The following ARHGAP21 variants were observed in gnomAD, a reference collection of about 807,000 sequenced individuals.
ARHGAP21 encodes the protein rho GTPase-activating protein 21.
ARHGAP21 carries 38 observed loss-of-function variants against 164.6 expected under a neutral mutation model. The ratio of observed to expected loss-of-function variants is 0.23; its 90% CI spans 0.18 to 0.30. The LOEUF (loss-of-function observed/expected upper bound fraction) is 0.30. ARHGAP21 is among the 10% of genes least tolerant of loss of function. The pLI is 1.00. For missense variants in ARHGAP21, 1,822 were observed against 2,370.7 expected (o/e 0.77, Z 4.81); for synonymous variants, 766 against 857.9 (o/e 0.89, Z 1.87).
Position 24,620,290 on chromosome 10 carries a change from A to T in ARHGAP21, c.1605T>A (p.Asp535Glu). Residue 535 changes from aspartate to glutamate, a missense_variant, in exon 9 of 26, where the codon GAT becomes GAA. Asp to Glu is a conservative substitution (Grantham distance 45). This residue lies in a region of ARHGAP21 where 1,090 missense variants were observed against 1,378.9 expected (regional missense o/e 0.79). Coordinates refer to ENST00000396432, the MANE Select transcript of ARHGAP21 (RefSeq NM_020824.4). ...GTCTTTCACAAATACCTCGTCTATCATCCTGTTCAGTAAACCCACTCCACT... is the reference window on the plus strand; with the variant it reads ...GTCTTTCACAAATACCTCGTCTATCTTCCTGTTCAGTAAACCCACTCCACT... ...TYKWSGFTEQ[D>E]DRRGICERPR... is the part of the protein sequence containing the mutation. The T allele has an allele frequency of 6.2e-7, 1 of 1,613,972 alleles. No homozygotes were observed. The highest frequency in any genetic ancestry group is 8.5e-7 in the Non-Finnish European group (1 of 1,179,878).
intron 7 of ARHGAP21, among the ~76,000 whole-genome samples, chr10:24,628,061 C>A (rs1299897449): frequency 6.6e-6 from 1 of 152,182 alleles, no homozygotes; most frequent in Non-Finnish European, 1.5e-5. Flanking sequence ...ACCATATACA[C>A]CATCTTCTGT....
In ARHGAP21 at chr10:24,621,230, G is replaced by A. The variant is rs770416114; in HGVS notation, c.665C>T (p.Pro222Leu). The change falls in exon 9 of 26, where the codon CCT (proline) becomes CTT (leucine). Residue 222 changes from proline (P) to leucine (L), a missense_variant. Physicochemically the swap from Pro to Leu is moderately conservative, Grantham distance 98. This residue lies in a region of ARHGAP21 where 1,090 missense variants were observed against 1,378.9 expected (regional missense o/e 0.79). Transcript: ENST00000396432. The part of the protein sequence containing the change: ...SAMAQPVEIS[P>L]PDSSLSKQQT... Reference sequence around the variant, plus strand: ...CTGTTTGCTCAATGATGAGTCAGGAGGAGATATTTCAACTGGCTGTGCCAT... The same window carrying A: ...CTGTTTGCTCAATGATGAGTCAGGAAGAGATATTTCAACTGGCTGTGCCAT... The A allele has an allele frequency of 6.2e-7, 1 of 1,613,962 alleles. No homozygotes were observed. Among genetic ancestry groups the A allele is most frequent in the Non-Finnish European group, 8.5e-7 (1 of 1,179,874 alleles).
At position 24,584,868 on chromosome 10, in the gene ARHGAP21, G is replaced by A. The variant is rs2076036946; in HGVS notation, c.5421C>T (p.His1807=). The A allele has an allele frequency of 3.1e-6, 5 of 1,613,918 alleles. No individual in the cohort carries two copies. The South Asian group carries it at 5.5e-5, about 18-fold the overall frequency. ...AAACGCTGATTTCGGTAGCATCTCT[G>A]TGCCCTCCTAGTGTATGTCTGCGCC... ...SIRRRHTLGG[H]RDATEISVLN... is the part of the protein sequence containing the mutation. Residue 1807 remains histidine, a synonymous_variant, in exon 26 of 26, where the codon CAC becomes CAT. Coordinates refer to ENST00000396432, the MANE Select transcript of ARHGAP21 (RefSeq NM_020824.4).
chr10:24,597,360 T>C, intron 16 of ARHGAP21, 87 bp downstream of exon 16: 1 of 1,506,974 alleles, frequency 6.6e-7, no homozygotes, highest in South Asian at 1.3e-5. Context: ...GCCTGGTCAG[T>C]AGAAATGGTA....
intron 2 of ARHGAP21, among the ~76,000 whole-genome samples, chr10:24,681,062 T>C (rs966946986): frequency 6.6e-6 from 1 of 152,046 alleles, no homozygotes; most frequent in African/African-American, 2.4e-5. Flanking sequence ...ATATAACAAC[T>C]AGACAAAGCA....
At chr10:24,653,313 G>A (rs1253945240) in intron 4 of ARHGAP21, among the ~76,000 whole-genome samples, 6 of 152,044 alleles carry the variant, frequency 3.9e-5, no homozygotes, top group Admixed American at 3.3e-4. Flanking sequence ...AGTGGCTCAC[G>A]CCTGTAATCC....
chr10:24,641,766 C>G (rs527577083), intron 4 of ARHGAP21, among the ~76,000 whole-genome samples: 1 of 152,040 alleles, frequency 6.6e-6, no homozygotes, highest in East Asian at 1.9e-4. Context: ...GAGGCAGAGG[C>G]GGGTGGATCA....
chr10:24,618,007 G>GA (rs1276304205), intron 9 of ARHGAP21, among the ~76,000 whole-genome samples: 8 of 150,980 alleles, frequency 5.3e-5, no homozygotes, highest in African/African-American at 2.0e-4. Context: ...GCTGTGCTCT[G>GA]GGACGAGGCT....
intron 2 of ARHGAP21, among the ~76,000 whole-genome samples, chr10:24,681,367 G>T (rs1312521063): frequency 2.6e-5 from 4 of 152,216 alleles, no homozygotes; most frequent in African/African-American, 9.7e-5. Flanking sequence ...AAGTCTACAT[G>T]TTCAACAGAG....
intron 2 of ARHGAP21, among the ~76,000 whole-genome samples, chr10:24,673,737 C>G (rs1392024149): frequency 1.3e-5 from 2 of 152,054 alleles, no homozygotes; most frequent in Non-Finnish European, 2.9e-5. Flanking sequence ...TGGCACACAC[C>G]TATAATCCCC....
At chr10:24,639,161 T>A (rs1353878246) in intron 4 of ARHGAP21, among the ~76,000 whole-genome samples, 1 of 152,182 alleles carries the variant, frequency 6.6e-6, no homozygotes, top group African/African-American at 2.4e-5. Context: ...AAATCCCACC[T>A]CTGTCATTCA....
chr10:24,622,689 A>G, intron 8 of ARHGAP21, 44 bp downstream of exon 8: 1 of 1,585,276 alleles, frequency 6.3e-7, no homozygotes, highest in Non-Finnish European at 8.6e-7. Context: ...TCTCTACAAA[A>G]CATGACTTAA....
chr10:24,681,351 A>G (rs1460896469), intron 2 of ARHGAP21, among the ~76,000 whole-genome samples: 1 of 152,262 alleles, frequency 6.6e-6, no homozygotes, highest in Non-Finnish European at 1.5e-5. Context: ...ACAGATAAAA[A>G]GTACAAAGTC....
intron 4 of ARHGAP21, among the ~76,000 whole-genome samples, chr10:24,664,498 T>C (rs182615596): frequency 6.6e-6 from 1 of 151,348 alleles, no homozygotes; most frequent in Admixed American, 6.6e-5. Context: ...GGAGGTGGCA[T>C]TGAGCCGAGA....
intron 7 of ARHGAP21, among the ~76,000 whole-genome samples, chr10:24,623,773 G>A (rs1266433800): frequency 1.3e-5 from 2 of 152,190 alleles, no homozygotes; most frequent in Non-Finnish European, 2.9e-5. Context: ...TCAAAACCAC[G>A]ACGACACTAA....
At chr10:24,672,497 G>A (rs760881164) in intron 2 of ARHGAP21, among the ~76,000 whole-genome samples, 17 of 152,188 alleles carry the variant, frequency 1.1e-4, no homozygotes, top group East Asian at 3.9e-4. Flanking sequence ...ATTAAACACC[G>A]TCTAATATGC....
chr10:24,678,402 T>C (rs757636970), intron 2 of ARHGAP21, among the ~76,000 whole-genome samples: 45 of 152,246 alleles, frequency 3.0e-4, no homozygotes, highest in Middle Eastern at 3.4e-3. Flanking sequence ...TTCATAACTA[T>C]ACCTACACCT....
intron 21 of ARHGAP21, among the ~76,000 whole-genome samples, chr10:24,592,590 T>A (rs2076382262): frequency 6.6e-6 from 1 of 151,852 alleles, no homozygotes; most frequent in African/African-American, 2.4e-5. Context: ...GGTGGACTGC[T>A]TGAGCCCAGG....
rs367939213 is a variant in ARHGAP21 at position 24,632,936 on chromosome 10, T to A, written c.440+466A>T. 2.6e-5 allele frequency among the ~76,000 whole-genome samples: 4 copies of A among 152,166 alleles called. No homozygotes were observed. In the East Asian group the frequency reaches 7.7e-4, roughly 29 times the overall value. Reference sequence around the variant, plus strand: ...TTTAGAGCTCAAAATCCTACTATTCTGTAAAATGCAGGCAGGCAAATGGAT... The same window carrying A: ...TTTAGAGCTCAAAATCCTACTATTCAGTAAAATGCAGGCAGGCAAATGGAT... On this transcript the variant is annotated intron_variant, in intron 6 of 25. Coordinates refer to ENST00000396432, the MANE Select transcript of ARHGAP21 (RefSeq NM_020824.4).
Sources: allele counts gnomAD v4.1 joint callset (sites outside exome capture counted in the v4.1 genomes callset), GRCh38; gene constraint gnomAD v4.1.1; regional missense constraint gnomAD v4.1.1; transcripts MANE v1.5; gene names NCBI Gene and HGNC (gene_info 2026-07-23, HGNC 2026-07-21).